The following AFAP1 variants were observed in gnomAD, a reference collection of about 807,000 sequenced individuals.
AFAP1 encodes the protein actin filament associated protein 1, also known as actin filament-associated protein 1.
A neutral mutation model predicts 93.9 loss-of-function variants in AFAP1; 75 were observed. That is an observed-to-expected ratio of 0.80 (90% CI 0.66 to 0.97). AFAP1 has a LOEUF of 0.97. Among genes scored for constraint, AFAP1 ranks in the 50% least tolerant of loss-of-function variants. AFAP1 has a pLI of 0.00. For synonymous variants in AFAP1, 517 were observed against 430.7 expected, an observed-to-expected ratio of 1.20 and a Z score of -2.48; for missense variants, 1,201 against 1,050.8, an observed-to-expected ratio of 1.14 and a Z score of -1.98.
At chr4:7,864,901 A>T (rs1409655575) in intron 3 of AFAP1, among the ~76,000 whole-genome samples, 1 of 152,088 alleles carries the variant, frequency 6.6e-6, no homozygotes, top group Non-Finnish European at 1.5e-5. Flanking sequence ...TTGCTTGAGC[A>T]CAGGAGTTCA....
At chr4:7,898,808 A>AGAGTGTGTGTGTGTGT (rs376959896) in intron 1 of AFAP1, among the ~76,000 whole-genome samples, 1 of 136,956 alleles carries the variant, frequency 7.3e-6, no homozygotes, top group African/African-American at 2.7e-5. Context: ...GGGCAGTAGA[A>AGAGTGTGTGTGTGTGT]GTGTGTGTGT....
chr4:7,798,040 GT>G (rs1718608997), intron 10 of AFAP1, among the ~76,000 whole-genome samples: 2 of 152,180 alleles, frequency 1.3e-5, no homozygotes, highest in African/African-American at 4.8e-5. Flanking sequence ...CAAAACAAAA[GT>G]TAAAATAAAA....
chr4:7,923,038 GACATAAA>G, intron 1 of AFAP1, among the ~76,000 whole-genome samples: 1 of 152,162 alleles, frequency 6.6e-6, no homozygotes, highest in South Asian at 2.1e-4. Flanking sequence ...AATTTGTATA[GACATAAA>G]GCAGAAAATC....
chr4:7,788,819 T>A (rs28652666), intron 11 of AFAP1: 2,046 of 152,400 alleles, frequency 0.013, 48 homozygotes, highest in African/African-American at 0.047. Context: ...TGGGCCGTAC[T>A]GCCTTGGGTC....
At chr4:7,925,700 C>T (rs2149240814) in intron 1 of AFAP1, among the ~76,000 whole-genome samples, 1 of 152,262 alleles carries the variant, frequency 6.6e-6, no homozygotes, top group Admixed American at 6.5e-5. Flanking sequence ...ACAAAATTAG[C>T]CAGGCATGGT....
chr4:7,892,571 C>A (rs1718531798), intron 1 of AFAP1, among the ~76,000 whole-genome samples: 1 of 152,162 alleles, frequency 6.6e-6, no homozygotes, highest in Non-Finnish European at 1.5e-5. Flanking sequence ...TCACCTCCAT[C>A]TTTTTGCACT....
chr4:7,889,121 A>G (rs1718295487), intron 1 of AFAP1, among the ~76,000 whole-genome samples: 1 of 152,228 alleles, frequency 6.6e-6, no homozygotes, highest in African/African-American at 2.4e-5. Context: ...ATTAAATTAA[A>G]TAATATCCAA....
At chr4:7,778,726 G>A (rs770027481) in intron 14 of AFAP1, 36 bp downstream of exon 14, 2 of 1,596,678 alleles carry the variant, frequency 1.3e-6, no homozygotes, top group Non-Finnish European at 1.7e-6. Flanking sequence ...AAGTGCACTT[G>A]AAGCCGGAAT....
intron 10 of AFAP1, among the ~76,000 whole-genome samples, chr4:7,797,383 C>T (rs538515912): frequency 2.0e-4 from 30 of 152,248 alleles, no homozygotes; most frequent in African/African-American, 6.5e-4. Context: ...AAACCTTACC[C>T]AAGGGATCAA....
intron 15 of AFAP1, 99 bp downstream of exon 15, chr4:7,774,640 C>T (rs971609174): frequency 1.4e-6 from 2 of 1,472,736 alleles, no homozygotes; most frequent in Non-Finnish European, 1.8e-6. Context: ...AATAAAATGA[C>T]AGCCTTGGTG....
chr4:7,789,900 T>G (rs557846646), intron 11 of AFAP1, among the ~76,000 whole-genome samples: 1 of 152,366 alleles, frequency 6.6e-6, no homozygotes, highest in South Asian at 2.1e-4. Context: ...TGTTGTATAA[T>G]TTATGTATCT....
chr4:7,793,293 T>C (rs1408507257), intron 11 of AFAP1, among the ~76,000 whole-genome samples: 2 of 152,132 alleles, frequency 1.3e-5, no homozygotes, highest in Non-Finnish European at 1.5e-5. Flanking sequence ...AATACAGGGG[T>C]CAGCAAACTA....
chr4:7,898,992 T>C (rs1718960390), intron 1 of AFAP1, among the ~76,000 whole-genome samples: 1 of 147,858 alleles, frequency 6.8e-6, no homozygotes, highest in Non-Finnish European at 1.5e-5. Flanking sequence ...GTATTGTATA[T>C]ACACAAATGT....
chr4:7,858,844 A>G (rs1257442532), intron 3 of AFAP1, among the ~76,000 whole-genome samples: 7 of 152,200 alleles, frequency 4.6e-5, no homozygotes, highest in Admixed American at 2.6e-4. Flanking sequence ...CAGCATTCTT[A>G]TAAAGTTACA....
intron 1 of AFAP1, among the ~76,000 whole-genome samples, chr4:7,883,057 C>T (rs1717940961): frequency 6.6e-6 from 1 of 150,958 alleles, no homozygotes; most frequent in African/African-American, 2.4e-5. Flanking sequence ...TGATGGCACA[C>T]ACCTGTAGTC....
At position 7,772,995 on chromosome 4, in the gene AFAP1, G is replaced by A. The variant is rs145280089; in HGVS notation, c.2078C>T (p.Ala693Val). The change falls in exon 16 of 18, where the codon GCG becomes GTG. Residue 693 changes from alanine (A) to valine (V), a missense_variant. Ala to Val is a moderately conservative substitution (Grantham distance 64). Transcript: ENST00000420658. ...CTGCTTCAGCTTCTCCTCCAGGATC[G>A]CCTGCGGCTTCCTGCCTGGAATTCC... ...IEVNAGRKPQ[A>V]ILEEKLKQLE... The A allele has an allele frequency of 6.3e-5, 102 of 1,610,002 alleles. No homozygotes were observed. In the African/African-American group the frequency reaches 7.3e-4, roughly 12 times the overall value.
At chr4:7,831,976 C>T (rs1424091075) in intron 6 of AFAP1, among the ~76,000 whole-genome samples, 1 of 152,116 alleles carries the variant, frequency 6.6e-6, no homozygotes, top group Non-Finnish European at 1.5e-5. Flanking sequence ...AAATGTGAAG[C>T]CAGGAAACCC....
intron 8 of AFAP1, among the ~76,000 whole-genome samples, chr4:7,811,544 A>T (rs751143591): frequency 4.6e-5 from 7 of 151,680 alleles, no homozygotes; most frequent in Non-Finnish European, 7.4e-5. Flanking sequence ...ACAGCCAAAC[A>T]CGCTAGGGCG....
chr4:7,875,610 C>A (rs1303387707), intron 1 of AFAP1, among the ~76,000 whole-genome samples: 1 of 149,064 alleles, frequency 6.7e-6, no homozygotes, highest in African/African-American at 2.5e-5. Flanking sequence ...CAGAGTGAGA[C>A]CCTGACTCTC....
Sources: allele counts gnomAD v4.1 joint callset (sites outside exome capture counted in the v4.1 genomes callset), GRCh38; gene constraint gnomAD v4.1.1; transcripts MANE v1.5; gene names NCBI Gene and HGNC (gene_info 2026-07-23, HGNC 2026-07-21).